Variants in ABHD2 observed in about 807,000 individuals in gnomAD.
The protein encoded by ABHD2 is monoacylglycerol lipase ABHD2.
Under a neutral mutation model 48.1 loss-of-function variants are expected in ABHD2, and 20 were observed. The ratio of observed to expected loss-of-function variants is 0.42; its 90% CI spans 0.29 to 0.60. ABHD2 has a LOEUF of 0.60. Among genes scored for constraint, ABHD2 ranks in the 20% least tolerant of loss-of-function variants. The pLI, the probability that ABHD2 is intolerant of heterozygous loss-of-function variation, is 0.24. For synonymous variants in ABHD2, 209 were observed against 214.2 expected, an observed-to-expected ratio of 0.98 and a Z score of 0.21; for missense variants, 405 against 550.9, an observed-to-expected ratio of 0.74 and a Z score of 2.65.
Position 89,104,921 on chromosome 15 carries a change from A to G in ABHD2, c.-106-8804A>G, listed in dbSNP as rs2049759524. On this transcript the variant is annotated intron_variant, in intron 1 of 10. Transcript: ENST00000352732. This position sits in a 1 kb window ranked among gnomAD's most constrained non-coding sequence, Gnocchi z 4.4. ...AGCTCATTGGGTTCTGGTAAACTGC[A>G]ATTTTGCTTCTGATATTACAGAATT... Among the ~76,000 whole-genome samples the G allele has an allele frequency of 6.6e-6, 1 of 152,182 alleles. No individual in the cohort carries two copies. Among genetic ancestry groups the G allele is most frequent in the South Asian group, 2.1e-4 (1 of 4,834 alleles).
intron 3 of ABHD2, among the ~76,000 whole-genome samples, chr15:89,133,834 A>T (rs1232634838): frequency 4.0e-5 from 5 of 123,772 alleles, no homozygotes; most frequent in East Asian, 2.3e-4. Flanking sequence ...GCCATGCATA[A>T]TTTTTTTTTT....
At chr15:89,147,872 G>T (rs1000800132) in intron 3 of ABHD2, among the ~76,000 whole-genome samples, 6 of 151,144 alleles carry the variant, frequency 4.0e-5, no homozygotes, top group Admixed American at 2.0e-4. Flanking sequence ...ACTTTGGGAG[G>T]CCGAGAGGCT....
intron 3 of ABHD2, among the ~76,000 whole-genome samples, chr15:89,139,291 C>T (rs2050366009): frequency 6.6e-6 from 1 of 152,160 alleles, no homozygotes; most frequent in South Asian, 2.1e-4. Flanking sequence ...AAATATCTCT[C>T]CTCTCTGAGA....
At chr15:89,127,803 G>A (rs769221494) in intron 3 of ABHD2, among the ~76,000 whole-genome samples, 79 of 150,096 alleles carry the variant, frequency 5.3e-4, no homozygotes, top group African/African-American at 1.7e-3. Context: ...TCTGTTCACC[G>A]TCTGTACACC....
intron 5 of ABHD2, among the ~76,000 whole-genome samples, chr15:89,163,686 G>A (rs1389604476): frequency 6.6e-6 from 1 of 152,124 alleles, no homozygotes; most frequent in Non-Finnish European, 1.5e-5. Flanking sequence ...TGATGTTTGA[G>A]TATTTAAAAA....
chr15:89,187,308 C>G (rs1294883723), intron 7 of ABHD2, among the ~76,000 whole-genome samples: 2 of 152,168 alleles, frequency 1.3e-5, no homozygotes, highest in African/African-American at 2.4e-5. Flanking sequence ...CTACAGAAAG[C>G]CAAACATTTG....
rs2051408009 is a variant in ABHD2, at chr15:89,196,628, C to G, written c.*1205C>G. The G allele has an allele frequency of 6.6e-6, 1 of 151,898 alleles. No individual in the cohort carries two copies. Among genetic ancestry groups the G allele is most frequent in the Non-Finnish European group, 1.5e-5 (1 of 67,974 alleles). The allele number at this position is 151,898 out of a possible 1,614,324, so 9.4% of individuals were successfully genotyped here. A position where few individuals can be genotyped will look rare whatever the true frequency, so the allele number is the denominator to read the frequency against. ...TTTTGAGTTGTTTTTTTTTTAAGCACTCACTTGTAATTTTAGTTTTTAAAC... is the reference window on the plus strand; with the variant it reads ...TTTTGAGTTGTTTTTTTTTTAAGCAGTCACTTGTAATTTTAGTTTTTAAAC... On this transcript the variant is annotated 3_prime_UTR_variant, in exon 11 of 11. Coordinates refer to ENST00000352732, the MANE Select transcript of ABHD2 (RefSeq NM_152924.5).
Position 89,177,246 on chromosome 15 carries a change from G to T in ABHD2, c.722+1251G>T, listed in dbSNP as rs1158249712. On this transcript the variant is annotated intron_variant, in intron 6 of 10. Coordinates refer to ENST00000352732, the MANE Select transcript of ABHD2 (RefSeq NM_152924.5). The surrounding 1 kb of genome is among the most constrained non-coding windows in gnomAD (Gnocchi z 5.6). The stretch of plus-strand genomic sequence containing the variant: ...CGCTGAGAGTCAAATGAGTTGATGC[G>T]TGTGAAGTGCTTAGAACAGTGCCCA... Among the ~76,000 whole-genome samples, 1 of 152,172 alleles carries T rather than the reference G, an allele frequency of 6.6e-6. No individual in the cohort carries two copies. The highest frequency in any genetic ancestry group is 6.5e-5 in the Admixed American group (1 of 15,278).
At position 89,116,327 on chromosome 15, in the gene ABHD2, G is replaced by A. The variant is rs1180435583; in HGVS notation, c.-1G>A. On this transcript the variant is annotated 5_prime_UTR_variant, in exon 3 of 11. Coordinates refer to ENST00000352732, the MANE Select transcript of ABHD2 (RefSeq NM_152924.5). The surrounding 1 kb of genome is among the most constrained non-coding windows in gnomAD (Gnocchi z 4.6). ...CCTGTGCCTCTGCTCCCCAGATCAA[G>A]ATGAATGCCATGCTGGAGACTCCCG... 4 of 1,613,062 alleles carry A rather than the reference G, an allele frequency of 2.5e-6. No homozygotes were observed. The highest frequency in any genetic ancestry group is 3.4e-6 in the Non-Finnish European group (4 of 1,179,354).
At chr15:89,085,895 T>C (rs1249340131), upstream of ABHD2, among the ~76,000 whole-genome samples, 1 of 152,216 alleles carries the variant, frequency 6.6e-6, no homozygotes, top group African/African-American at 2.4e-5. The surrounding 1 kb of genome is among the most constrained non-coding windows in gnomAD (Gnocchi z 4.2). Flanking sequence ...GCTGGGCCTA[T>C]TTCCGTAACA....
intron 3 of ABHD2, among the ~76,000 whole-genome samples, chr15:89,123,682 C>G (rs1052562204): frequency 6.9e-6 from 1 of 145,832 alleles, no homozygotes; most frequent in Non-Finnish European, 1.5e-5. Context: ...ATTGTAGCCT[C>G]AACCTGCTGG....
At chr15:89,156,057 G>A (rs533525478) in intron 5 of ABHD2, among the ~76,000 whole-genome samples, 2 of 151,848 alleles carry the variant, frequency 1.3e-5, no homozygotes, top group Non-Finnish European at 2.9e-5. Flanking sequence ...TGTGTTAGCT[G>A]GGCCAGTTGT....
chr15:89,093,384 T>C (rs1285938023), intron 1 of ABHD2, among the ~76,000 whole-genome samples: 2 of 152,224 alleles, frequency 1.3e-5, no homozygotes, highest in East Asian at 3.9e-4. Flanking sequence ...TTCACTATGC[T>C]GGTCTCAAAC....
chr15:89,171,122 AAAAAG>A (rs2050920818), intron 5 of ABHD2, among the ~76,000 whole-genome samples: 1 of 152,192 alleles, frequency 6.6e-6, no homozygotes, highest in Non-Finnish European at 1.5e-5. Context: ...CTCCAAAAGA[AAAAAG>A]AAAAGATTTC....
At chr15:89,062,360 G>A in the ABHD2 span, among the ~76,000 whole-genome samples, 1 of 151,868 alleles carries the variant, frequency 6.6e-6, no homozygotes, top group Non-Finnish European at 1.5e-5. Flanking sequence ...TTGTTTTTGT[G>A]TGGGGGGGTG....
At chr15:89,126,397 G>C (rs757805448) in intron 3 of ABHD2, among the ~76,000 whole-genome samples, 1 of 152,142 alleles carries the variant, frequency 6.6e-6, no homozygotes, top group Non-Finnish European at 1.5e-5. Flanking sequence ...TCAATGTGTG[G>C]TTGACTGAAA....
chr15:89,048,270 T>C, the ABHD2 span, among the ~76,000 whole-genome samples: 2 of 152,202 alleles, frequency 1.3e-5, no homozygotes, highest in African/African-American at 2.4e-5. Context: ...AGAGATCCGC[T>C]GTTAGTCTGA....
At chr15:89,046,796 T>C in the ABHD2 span, among the ~76,000 whole-genome samples, 1 of 152,168 alleles carries the variant, frequency 6.6e-6, no homozygotes, top group Admixed American at 6.6e-5. Flanking sequence ...TCTTTTTTTC[T>C]TATTAGTCTT....
At position 89,186,284 on chromosome 15, in the gene ABHD2, C is replaced by G. The variant is rs1457000561; in HGVS notation, c.815+768C>G. Among the ~76,000 whole-genome samples, 3 of 152,194 alleles carry G rather than the reference C, an allele frequency of 2.0e-5. No homozygotes were observed. Among genetic ancestry groups the G allele is most frequent in the African/African-American group, 7.2e-5 (3 of 41,462 alleles). On this transcript the variant is annotated intron_variant, in intron 7 of 10. Transcript: ENST00000352732. This position sits in a 1 kb window ranked among gnomAD's most constrained non-coding sequence, Gnocchi z 4.3. ...CTTATTCTTCATGCTTGTCCTGCCT[C>G]TCCGCCTCGTAATCCTGTGGTGGGT...
Sources: gnomAD v4.1 joint callset for allele counts (sites outside exome capture counted in the v4.1 genomes callset) on GRCh38, gnomAD v4.1.1 for gene constraint, Gnocchi (gnomAD v3.1) non-coding constraint, MANE v1.5 for transcripts, NCBI Gene and HGNC (gene_info 2026-07-23, HGNC 2026-07-21) for gene names.